PFKFB1: variants seen among roughly 807,000 people sequenced by gnomAD.
The protein encoded by PFKFB1 is 6-phosphofructo-2-kinase/fructose-2,6-bisphosphatase 1.
In PFKFB1, 34 loss-of-function variants were observed where a neutral mutation model predicts 46.4. The observed-to-expected ratio is 0.73, with a 90% CI of 0.56 to 0.98. The LOEUF (loss-of-function observed/expected upper bound fraction) is 0.98. Among genes scored for constraint, PFKFB1 ranks in the 50% least tolerant of loss-of-function variants. The pLI is 0.00. For synonymous variants in PFKFB1, 119 were observed against 133.8 expected (o/e 0.89, Z 0.76); for missense variants, 393 against 376.3 (o/e 1.04, Z -0.37).
At position 54,958,335 on chromosome X, in the gene PFKFB1, C is replaced by T. The variant is rs753182523; in HGVS notation, c.487G>A (p.Asp163Asn). The T allele has an allele frequency of 8.5e-7, 1 of 1,181,060 alleles. No individual in the cohort carries two copies. Among genetic ancestry groups the T allele is most frequent in the South Asian group, 1.8e-5 (1 of 55,343 alleles). Residue 163 changes from aspartate (D) to asparagine (N), a missense_variant, in exon 6 of 14, where the codon GAC becomes AAC. Coordinates refer to ENST00000375006, the MANE Select transcript of PFKFB1 (RefSeq NM_002625.4). The stretch of plus-strand genomic sequence containing the variant: ...ATGTTTTCTGCAATTATGCCAGGGT[C>T]ATTACAAATGGACTCAATGAAAAAC... ...KVFFIESICN[D>N]PGIIAENIRQ...
intron 10 of PFKFB1, among the ~76,000 whole-genome samples, chrX:54,940,064 C>T (rs1195626308): frequency 8.9e-6 from 1 of 111,903 alleles, no homozygotes; most frequent in East Asian, 2.8e-4. Flanking sequence ...GGCTTCATCC[C>T]TGGGATGCAA....
At chrX:54,994,313 A>G (rs760856837), upstream of PFKFB1, 51 of 752,109 alleles carry the variant, frequency 6.8e-5, 1 homozygote, top group South Asian at 3.1e-3. Flanking sequence ...GGTAAGTTGG[A>G]GCCCAACAAG....
At chrX:54,977,824 G>A (rs962205535) in intron 1 of PFKFB1, among the ~76,000 whole-genome samples, 3 of 110,768 alleles carry the variant, frequency 2.7e-5, no homozygotes, top group Non-Finnish European at 5.7e-5. Flanking sequence ...TATATCAAAG[G>A]GACACAGGAG....
chrX:54,959,954 C>T, intron 3 of PFKFB1, 61 bp from the exon 4 acceptor site: 1 of 781,597 alleles, frequency 1.3e-6, no homozygotes, highest in South Asian at 2.2e-5. Context: ...ATTTCTCTCT[C>T]ATTGTCTGCA....
At chrX:54,956,685 C>T (rs1203882281) in intron 6 of PFKFB1, among the ~76,000 whole-genome samples, 1 of 110,366 alleles carries the variant, frequency 9.1e-6, no homozygotes, top group Admixed American at 9.7e-5. Context: ...GAAGACTGGC[C>T]TCTCCTAATC....
At chrX:54,943,431 G>A (rs968792605) in intron 10 of PFKFB1, among the ~76,000 whole-genome samples, 4 of 112,242 alleles carry the variant, frequency 3.6e-5, no homozygotes, top group Non-Finnish European at 7.5e-5. Context: ...AAAGAAGGGT[G>A]TGTTTACTCA....
At chrX:54,994,373 T>A, upstream of PFKFB1, 6 of 754,046 alleles carry the variant, frequency 8.0e-6, no homozygotes, top group Non-Finnish European at 9.4e-6. Context: ...TTCCCTCCAA[T>A]GAAGACAAGA....
chrX:54,938,199 G>A (rs1933474502), intron 10 of PFKFB1, among the ~76,000 whole-genome samples: 1 of 111,929 alleles, frequency 8.9e-6, no homozygotes, highest in South Asian at 3.7e-4. Context: ...CCTTGGGTGT[G>A]CACAAGGTGG....
At chrX:54,978,512 C>T (rs182704311) in intron 1 of PFKFB1, among the ~76,000 whole-genome samples, 1 of 111,392 alleles carries the variant, frequency 9.0e-6, no homozygotes, top group Non-Finnish European at 1.9e-5. Flanking sequence ...AATAATTTTA[C>T]CCAAATTATT....
At chrX:54,963,132 T>G in intron 2 of PFKFB1, 125 bp downstream of exon 2, 1 of 608,135 alleles carries the variant, frequency 1.6e-6, no homozygotes, top group Non-Finnish European at 2.7e-6. Context: ...GTAGCAGTAG[T>G]CCTAATGCTG....
At chrX:54,984,598 C>T (rs759399904) in intron 1 of PFKFB1, among the ~76,000 whole-genome samples, 23 of 111,995 alleles carry the variant, frequency 2.1e-4, no homozygotes, top group Non-Finnish European at 2.3e-4. Flanking sequence ...CTACTGTTCC[C>T]GACCTTACTA....
chrX:54,938,310 A>T (rs1484104882), intron 10 of PFKFB1, among the ~76,000 whole-genome samples: 1 of 112,427 alleles, frequency 8.9e-6, no homozygotes, highest in African/African-American at 3.2e-5. Flanking sequence ...AAGCAAAAAG[A>T]AACAACAAGA....
Position 54,933,129 on chromosome X carries a change from GA to G in PFKFB1, c.*273del. ...AGGGTCAGTACCTTGAGAACAACTG[GA>G]AAAGCCTCGCCATGACCTCCTCCTC... On this transcript the variant is annotated 3_prime_UTR_variant, in exon 14 of 14. Transcript: ENST00000375006. The G allele has an allele frequency of 2.8e-6, 1 of 360,389 alleles. No homozygotes were observed. The highest frequency in any genetic ancestry group is 4.9e-6 in the Non-Finnish European group (1 of 205,551). The allele number at this position is 360,389 out of a possible 1,213,427, so 29.7% of individuals were successfully genotyped here.
At chrX:54,939,816 A>G (rs1292049027) in intron 10 of PFKFB1, among the ~76,000 whole-genome samples, 5 of 112,038 alleles carry the variant, frequency 4.5e-5, no homozygotes, top group Non-Finnish European at 7.5e-5. Flanking sequence ...CCAGATGTAC[A>G]AGGAGGAACT....
At position 54,956,254 on chromosome X, in the gene PFKFB1, A is replaced by T; in HGVS notation, c.537T>A (p.Pro179=). 2 of 1,210,984 alleles carry T rather than the reference A, an allele frequency of 1.7e-6. No homozygotes were observed. Among genetic ancestry groups the T allele is most frequent in the Non-Finnish European group, 2.2e-6 (2 of 894,954 alleles). The change falls in exon 7 of 14, where the codon CCT becomes CCA. Residue 179 remains proline (P), a synonymous_variant. Coordinates refer to ENST00000375006, the MANE Select transcript of PFKFB1 (RefSeq NM_002625.4). The stretch of plus-strand genomic sequence containing the variant: ...TTTCCCGGTCACAGTCTATATAATC[A>T]GGGCTGCCAAGTTTCACTTGCTGGG... ...ENIRQVKLGS[P]DYIDCDREKV...
chrX:54,992,179 C>A (rs1345633752), intron 1 of PFKFB1, among the ~76,000 whole-genome samples: 1 of 111,655 alleles, frequency 9.0e-6, no homozygotes, highest in African/African-American at 3.3e-5. Context: ...CACAGAGTGA[C>A]CATTTACTGA....
chrX:54,991,343 C>A (rs1935232621), intron 1 of PFKFB1, among the ~76,000 whole-genome samples: 1 of 111,341 alleles, frequency 9.0e-6, no homozygotes, highest in Admixed American at 9.6e-5. Context: ...CAATGGCATG[C>A]AAACCTTTTA....
Position 54,951,762 on chromosome X carries a change from TG to T in PFKFB1, c.846+142del, listed in dbSNP as rs775322684. On this transcript the variant is annotated intron_variant, in intron 8 of 13. Transcript: ENST00000375006. ...GGGTCCAGACTGAGCAGCTGATGGG[TG>T]GAAGAGCAGGAGTGATGGAATCTGC... 2.9e-3 allele frequency: 1,474 copies of T among 502,775 alleles called. 14 individuals are homozygous for T. In the South Asian group the frequency reaches 0.04, roughly 14 times the overall value. 41.4% of individuals were successfully genotyped at this position (502,775 alleles called of 1,213,427 possible).
At chrX:54,982,460 A>G (rs940725686) in intron 1 of PFKFB1, among the ~76,000 whole-genome samples, 43 of 112,039 alleles carry the variant, frequency 3.8e-4, no homozygotes, top group Non-Finnish European at 7.5e-5. Flanking sequence ...ACATCTGCAG[A>G]TTCAACCAAC....
Sources: allele counts gnomAD v4.1 joint callset (sites outside exome capture counted in the v4.1 genomes callset), GRCh38; gene constraint gnomAD v4.1.1; transcripts MANE v1.5; gene names NCBI Gene and HGNC (gene_info 2026-07-23, HGNC 2026-07-21).